Variants in RIMBP2 observed in about 807,000 individuals in gnomAD.
The protein encoded by RIMBP2 is RIMS binding protein 2.
A neutral mutation model predicts 118.6 loss-of-function variants in RIMBP2; 48 were observed. The observed-to-expected ratio is 0.40, with a 90% CI of 0.32 to 0.51. The LOEUF is 0.51. RIMBP2 is among the 20% of genes least tolerant of loss of function. The pLI is 0.41. For missense variants in RIMBP2, 1,551 were observed against 1,768.3 expected (o/e 0.88, Z 2.20); for synonymous variants, 762 against 742.9 (o/e 1.03, Z -0.42).
intron 3 of RIMBP2, among the ~76,000 whole-genome samples, chr12:130,510,643 AT>A (rs973986195): frequency 8.5e-5 from 13 of 152,126 alleles, no homozygotes; most frequent in African/African-American, 3.1e-4. Context: ...TAATTTTTGC[AT>A]TTTAAGGAGA....
At chr12:130,459,777 G>A (rs968902489) in intron 6 of RIMBP2, among the ~76,000 whole-genome samples, 2 of 152,082 alleles carry the variant, frequency 1.3e-5, no homozygotes, top group Non-Finnish European at 2.9e-5. Context: ...AGAAATGACG[G>A]GGGGTGGGGG....
chr12:130,514,969 C>T (rs1255587748), intron 3 of RIMBP2, among the ~76,000 whole-genome samples: 6 of 152,068 alleles, frequency 3.9e-5, no homozygotes, highest in Non-Finnish European at 8.8e-5. Flanking sequence ...CTCTGCCTCC[C>T]GGGTTCATGC....
At chr12:130,689,956 G>C (rs1336611569) in intron 1 of RIMBP2, among the ~76,000 whole-genome samples, 1 of 152,132 alleles carries the variant, frequency 6.6e-6, no homozygotes, top group Non-Finnish European at 1.5e-5. Flanking sequence ...CAGGAGTAAG[G>C]GGAGAACCTA....
intron 10 of RIMBP2, among the ~76,000 whole-genome samples, chr12:130,444,333 T>G (rs973970762): frequency 6.6e-6 from 1 of 151,990 alleles, no homozygotes; most frequent in Non-Finnish European, 1.5e-5. Context: ...CCTCTAGAAG[T>G]GACCCGACCT....
In RIMBP2 at chr12:130,479,036, C is replaced by T. The variant is rs144490687; in HGVS notation, c.-3-20G>A. The T allele has an allele frequency of 1.9e-6, 3 of 1,602,334 alleles. No individual in the cohort carries two copies. Among genetic ancestry groups the T allele is most frequent in the African/African-American group, 2.7e-5 (2 of 74,874 alleles). On this transcript the variant is annotated intron_variant, in intron 4 of 22. Coordinates refer to ENST00000690449, the MANE Select transcript of RIMBP2 (RefSeq NM_001393629.1). ...CATATGCTGTGGGGACAGAGAGAGG[C>T]CTGGCTGAGCAGGGCAGCCTGTGCC...
intron 9 of RIMBP2, among the ~76,000 whole-genome samples, chr12:130,448,201 G>A (rs2078698276): frequency 6.6e-6 from 1 of 152,188 alleles, no homozygotes; most frequent in South Asian, 2.1e-4. Flanking sequence ...AATGTGCGTG[G>A]GCTGTGACTG....
chr12:130,695,610 G>A (rs564714800), intron 1 of RIMBP2, among the ~76,000 whole-genome samples: 3 of 152,184 alleles, frequency 2.0e-5, no homozygotes, highest in South Asian at 2.1e-4. Context: ...CATTCCAAGC[G>A]GGCAGGAAAA....
At chr12:130,682,242 C>G (rs947418149) in intron 1 of RIMBP2, among the ~76,000 whole-genome samples, 1 of 152,310 alleles carries the variant, frequency 6.6e-6, no homozygotes, top group Non-Finnish European at 1.5e-5. Context: ...ATCTCCTTTC[C>G]CAGCCAGAGA....
At position 130,664,350 on chromosome 12, in the gene RIMBP2, CAT is replaced by C. The variant is rs1189753570; in HGVS notation, c.-351-35896_-351-35895del. On this transcript the variant is annotated intron_variant, in intron 1 of 22. Coordinates refer to ENST00000690449, the MANE Select transcript of RIMBP2 (RefSeq NM_001393629.1). ...AAATAGACACAGAAATACACACACA[CAT>C]GCACACACATATGCACGTGCATGCA... Among the ~76,000 whole-genome samples, 40 of 151,470 alleles carry C rather than the reference CAT, an allele frequency of 2.6e-4. 2 individuals are homozygous for C. The highest frequency in any genetic ancestry group is 9.3e-4 in the African/African-American group (38 of 40,922).
chr12:130,483,756 C>T (rs1194361094), intron 4 of RIMBP2, among the ~76,000 whole-genome samples: 3 of 146,808 alleles, frequency 2.0e-5, no homozygotes, highest in East Asian at 2.1e-4. Context: ...ACACAGTGCC[C>T]GGAGCCCCCA....
intron 1 of RIMBP2, among the ~76,000 whole-genome samples, chr12:130,650,012 G>A (rs999763806): frequency 2.6e-5 from 4 of 151,492 alleles, no homozygotes; most frequent in African/African-American, 7.3e-5. Context: ...GAGGTGCAGA[G>A]TATATTGTTG....
At chr12:130,524,997 G>A (rs925175654) in intron 2 of RIMBP2, among the ~76,000 whole-genome samples, 44 of 152,192 alleles carry the variant, frequency 2.9e-4, no homozygotes, top group Admixed American at 2.6e-4. Flanking sequence ...CAGGGGACAG[G>A]TCCCCACATG....
intron 17 of RIMBP2, among the ~76,000 whole-genome samples, chr12:130,415,039 C>T (rs991124384): frequency 2.6e-5 from 4 of 152,152 alleles, no homozygotes; most frequent in Non-Finnish European, 5.9e-5. Context: ...AGGACTCCAC[C>T]CTAACTCATT....
chr12:130,559,766 A>G (rs1593797380), intron 2 of RIMBP2, among the ~76,000 whole-genome samples: 1 of 152,230 alleles, frequency 6.6e-6, no homozygotes, highest in African/African-American at 2.4e-5. Flanking sequence ...CTTGGAAGCC[A>G]CACCATGACT....
intron 2 of RIMBP2, among the ~76,000 whole-genome samples, chr12:130,587,670 G>C (rs2058989496): frequency 1.2e-5 from 1 of 82,408 alleles, no homozygotes; most frequent in Admixed American, 1.3e-4. Context: ...CACACTCTGG[G>C]GACTGTGGTG....
intron 1 of RIMBP2, among the ~76,000 whole-genome samples, chr12:130,714,629 C>G (rs1404151634): frequency 1.3e-5 from 2 of 152,232 alleles, no homozygotes; most frequent in African/African-American, 4.8e-5. Flanking sequence ...TGGAAGGGCT[C>G]CACTCTGGGC....
At chr12:130,659,198 C>CAGAAAATT (rs2063551194) in intron 1 of RIMBP2, among the ~76,000 whole-genome samples, 1 of 152,194 alleles carries the variant, frequency 6.6e-6, no homozygotes, top group Non-Finnish European at 1.5e-5. Context: ...TGGAAAGTAA[C>CAGAAAATT]AGATAAAACT....
chr12:130,551,262 G>C (rs1201232603), intron 2 of RIMBP2, among the ~76,000 whole-genome samples: 1 of 152,238 alleles, frequency 6.6e-6, no homozygotes, highest in Non-Finnish European at 1.5e-5. Context: ...AGTCATGATG[G>C]TAGAGAAAGG....
intron 13 of RIMBP2, 39 bp downstream of exon 13, chr12:130,436,803 G>T: frequency 7.3e-7 from 1 of 1,363,600 alleles, no homozygotes; most frequent in Non-Finnish European, 9.5e-7. Flanking sequence ...GTGGGGTTTG[G>T]GGACTGAGGA....
Sources: allele counts gnomAD v4.1 joint callset (sites outside exome capture counted in the v4.1 genomes callset), GRCh38; gene constraint gnomAD v4.1.1; transcripts MANE v1.5; gene names NCBI Gene and HGNC (gene_info 2026-07-23, HGNC 2026-07-21).